GPATCH1: variants seen among roughly 807,000 people sequenced by gnomAD.
The protein encoded by GPATCH1 is G-patch domain containing 1.
A neutral mutation model predicts 114.9 loss-of-function variants in GPATCH1; 73 were observed. The ratio of observed to expected loss-of-function variants is 0.64; its 90% CI spans 0.53 to 0.77. The LOEUF is 0.77. GPATCH1 is among the 30% of genes least tolerant of loss of function. GPATCH1 has a pLI of 0.00. For synonymous variants in GPATCH1, 391 were observed against 428.4 expected (o/e 0.91, Z 1.08); for missense variants, 1,058 against 1,144.3 (o/e 0.92, Z 1.09).
chr19:33,115,146 C>G (rs1014990168), intron 15 of GPATCH1, among the ~76,000 whole-genome samples: 2 of 149,772 alleles, frequency 1.3e-5, no homozygotes, highest in Admixed American at 1.3e-4. Context: ...ACTGCAGGCT[C>G]GAACGCCCAG....
At chr19:33,091,591 A>G (rs141968494) in intron 3 of GPATCH1, among the ~76,000 whole-genome samples, 123 of 152,086 alleles carry the variant, frequency 8.1e-4, no homozygotes, top group African/African-American at 2.7e-3. Flanking sequence ...GGATTCACCC[A>G]TGATAAAGAT....
rs183547937 is a variant in GPATCH1, at chr19:33,107,957, C to T, written c.1285+1058C>T. ...CGTTCGTGTGCTGCACCTATTAACTCGTCATTTACATAAGGTATATCTCCT... is the reference window on the plus strand; with the variant it reads ...CGTTCGTGTGCTGCACCTATTAACTTGTCATTTACATAAGGTATATCTCCT... On this transcript the variant is annotated intron_variant, in intron 10 of 19. Transcript: ENST00000170564. 1.8e-3 allele frequency among the ~76,000 whole-genome samples: 273 copies of T among 151,928 alleles called. 1 individual carries two copies. The highest frequency in any genetic ancestry group is 6.1e-3 in the African/African-American group (253 of 41,416).
intron 3 of GPATCH1, among the ~76,000 whole-genome samples, chr19:33,092,583 G>C (rs1334758913): frequency 6.6e-6 from 1 of 152,186 alleles, no homozygotes; most frequent in Non-Finnish European, 1.5e-5. Flanking sequence ...GAAGGCAGGT[G>C]CCTAGACAAC....
intron 4 of GPATCH1, 142 bp from the exon 5 acceptor site, chr19:33,094,030 T>G (rs77231654): frequency 2.3e-4 from 144 of 613,684 alleles, no homozygotes; most frequent in African/African-American, 1.8e-5. Flanking sequence ...AATGGCAGGG[T>G]CACGCCAGAT....
chr19:33,095,958 T>C (rs1972653379), intron 6 of GPATCH1, 138 bp downstream of exon 6: 2 of 767,140 alleles, frequency 2.6e-6, no homozygotes, highest in South Asian at 3.0e-5. Flanking sequence ...AAAGCTATCC[T>C]CATTATATCA....
chr19:33,113,385 T>C, intron 13 of GPATCH1: 1 of 165,970 alleles, frequency 6.0e-6, no homozygotes, highest in South Asian at 1.5e-4. Context: ...GAGGTTGCAG[T>C]GAGCCAAGAT....
chr19:33,091,028 G>A (rs920052041), intron 3 of GPATCH1, among the ~76,000 whole-genome samples, 163 bp downstream of exon 3: 5 of 152,144 alleles, frequency 3.3e-5, no homozygotes, highest in Admixed American at 1.3e-4. Flanking sequence ...TACATCAGTA[G>A]AGTCTTGTTC....
chr19:33,110,975 T>C (rs1972844784), intron 11 of GPATCH1, among the ~76,000 whole-genome samples: 1 of 148,840 alleles, frequency 6.7e-6, no homozygotes, highest in African/African-American at 2.4e-5. Flanking sequence ...AAAAGATATA[T>C]ATGTATATAT....
At chr19:33,101,352 T>G (rs776469466) in intron 8 of GPATCH1, 143 bp from the exon 9 acceptor site, 1 of 619,834 alleles carries the variant, frequency 1.6e-6, no homozygotes, top group Non-Finnish European at 2.9e-6. Context: ...CACTTGTTCT[T>G]CCCTTTACTG....
chr19:33,090,915 T>C (rs755169405), intron 3 of GPATCH1, 50 bp downstream of exon 3: 8 of 1,154,054 alleles, frequency 6.9e-6, no homozygotes, highest in South Asian at 2.5e-5. Flanking sequence ...ACAGGTCTAG[T>C]TGGTTGCTGT....
Position 33,094,186 on chromosome 19 carries a change from T to C in GPATCH1, c.470T>C (p.Phe157Ser). The stretch of plus-strand genomic sequence containing the variant: ...TGCTATCCTAGATTATCTGTTGGTT[T>C]CGAATTGCTAAGAAAAATGGGTTGG... Reference protein sequence around the residue: ...LITPAKLSVGFELLRKMGWKE... With the variant: ...LITPAKLSVGSELLRKMGWKE... Residue 157 changes from phenylalanine (F) to serine (S), a missense_variant, in exon 5 of 20, where the codon TTC (phenylalanine) becomes TCC (serine). Physicochemically the swap from Phe to Ser is radical, Grantham distance 155. Coordinates refer to ENST00000170564, the MANE Select transcript of GPATCH1 (RefSeq NM_018025.3). 1.9e-6 allele frequency: 3 copies of C among 1,592,592 alleles called. No individual in the cohort carries two copies. Among genetic ancestry groups the C allele is most frequent in the Non-Finnish European group, 2.6e-6 (3 of 1,160,348 alleles).
chr19:33,126,706 A>G lies in GPATCH1; in HGVS notation c.2738A>G (p.Asp913Gly). The G allele has an allele frequency of 1.2e-6, 2 of 1,613,662 alleles. No homozygotes were observed. The highest frequency in any genetic ancestry group is 1.7e-6 in the Non-Finnish European group (2 of 1,179,964). Residue 913 changes from aspartate to glycine, a missense_variant, in exon 19 of 20, where the codon GAC (aspartate) becomes GGC (glycine). Asp to Gly is a moderately conservative substitution (Grantham distance 94). Coordinates refer to ENST00000170564, the MANE Select transcript of GPATCH1 (RefSeq NM_018025.3). ...AGCCAGAGTGACGAGGAAACCGCAGACGTGTCGCCCCAGGAGCTGCTGAGA... is the reference window on the plus strand; with the variant it reads ...AGCCAGAGTGACGAGGAAACCGCAGGCGTGTCGCCCCAGGAGCTGCTGAGA... ...SDSQSDEETADVSPQELLRRL... is the reference protein window; with the variant it reads ...SDSQSDEETAGVSPQELLRRL...
rs540426627 is a variant in GPATCH1 at position 33,126,707 on chromosome 19, C to T, written c.2739C>T (p.Asp913=). 13 of 1,613,482 alleles carry T rather than the reference C, an allele frequency of 8.1e-6. No individual in the cohort carries two copies. Among genetic ancestry groups the T allele is most frequent in the South Asian group, 7.7e-5 (7 of 90,988 alleles). The change falls in exon 19 of 20, where the codon GAC becomes GAT. Residue 913 remains aspartate, a synonymous_variant. Transcript: ENST00000170564. ...GCCAGAGTGACGAGGAAACCGCAGA[C>T]GTGTCGCCCCAGGAGCTGCTGAGAC... ...SDSQSDEETA[D]VSPQELLRRL...
At chr19:33,122,602 C>T (rs767884565) in intron 17 of GPATCH1, among the ~76,000 whole-genome samples, 4 of 152,004 alleles carry the variant, frequency 2.6e-5, no homozygotes, top group Admixed American at 6.6e-5. Context: ...GGATTACAGG[C>T]GTGAGCCACC....
intron 16 of GPATCH1, among the ~76,000 whole-genome samples, 198 bp downstream of exon 16, chr19:33,118,239 G>A (rs750616939): frequency 5.4e-5 from 8 of 147,722 alleles, no homozygotes; most frequent in African/African-American, 1.3e-4. Context: ...GTACAGTGGC[G>A]CAATCTTCGG....
intron 17 of GPATCH1, among the ~76,000 whole-genome samples, chr19:33,121,317 TTTC>T (rs1432135059): frequency 3.5e-4 from 47 of 134,994 alleles, no homozygotes; most frequent in African/African-American, 1.5e-3. Flanking sequence ...TTTCTTTTCT[TTTC>T]TTTTTTTTTT....
In GPATCH1 at chr19:33,090,829, A is replaced by C; in HGVS notation, c.258A>C (p.Lys86Asn). ...CTTCACGACAGAACAGAGCAGACAA[A>C]TCTGTTCTTGGTCCTGAAGATTTTA... ...FVSSRQNRAD[K>N]SVLGPEDFMD... is the part of the protein sequence containing the mutation. The change falls in exon 3 of 20, where the codon AAA becomes AAC. Residue 86 changes from lysine (K) to asparagine (N), a missense_variant. Physicochemically the swap from Lys to Asn is moderately conservative, Grantham distance 94. Transcript: ENST00000170564. 6.2e-7 allele frequency: 1 copy of C among 1,613,448 alleles called. No individual in the cohort carries two copies. Among genetic ancestry groups the C allele is most frequent in the Non-Finnish European group, 8.5e-7 (1 of 1,179,456 alleles).
rs553955696 is a variant in GPATCH1 at position 33,092,959 on chromosome 19, C to T, written c.295-400C>T. ...ATCCCAGCACTTTGGGAGGCTGAGG[C>T]GGGTGGATCACCTGAGGTCAGGAGT... On this transcript the variant is annotated intron_variant, in intron 3 of 19. Coordinates refer to ENST00000170564, the MANE Select transcript of GPATCH1 (RefSeq NM_018025.3). Among the ~76,000 whole-genome samples, 18 of 152,208 alleles carry T rather than the reference C, an allele frequency of 1.2e-4. No individual in the cohort carries two copies. The East Asian group carries it at 2.3e-3, about 20-fold the overall frequency.
At chr19:33,102,091 T>C (rs1052530062) in intron 9 of GPATCH1, among the ~76,000 whole-genome samples, 2 of 151,282 alleles carry the variant, frequency 1.3e-5, no homozygotes, top group Non-Finnish European at 2.9e-5. Flanking sequence ...CCCAGCACTT[T>C]GGGAGGCCAA....
Sources: gnomAD v4.1 joint callset for allele counts (sites outside exome capture counted in the v4.1 genomes callset) on GRCh38, gnomAD v4.1.1 for gene constraint, MANE v1.5 for transcripts, NCBI Gene and HGNC (gene_info 2026-07-23, HGNC 2026-07-21) for gene names.